VPS13B: variants seen among roughly 807,000 people sequenced by gnomAD.
VPS13B encodes the protein vacuolar protein sorting 13 homolog B.
A neutral mutation model predicts 426.4 loss-of-function variants in VPS13B; 285 were observed. That is an observed-to-expected ratio of 0.67 (90% CI 0.61 to 0.74). The LOEUF (loss-of-function observed/expected upper bound fraction) is 0.74, where lower values mean the gene tolerates loss of function less well. Among genes scored for constraint, VPS13B ranks in the 30% least tolerant of loss-of-function variants. VPS13B has a pLI of 0.00. For missense variants in VPS13B, 4,537 were observed against 4,782.6 expected (o/e 0.95, Z 1.51); for synonymous variants, 1,676 against 1,676.4 (o/e 1.00, Z 0.01).
intron 24 of VPS13B, among the ~76,000 whole-genome samples, chr8:99,479,646 C>A (rs1283875919): frequency 3.9e-5 from 6 of 152,156 alleles, no homozygotes. Flanking sequence ...TCATTATAGA[C>A]TAATTTTTGT....
At chr8:99,629,849 G>C (rs1828767251) in intron 33 of VPS13B, among the ~76,000 whole-genome samples, 1 of 152,128 alleles carries the variant, frequency 6.6e-6, no homozygotes, top group African/African-American at 2.4e-5. Context: ...TTGTCATCTA[G>C]TTGATTGCTT....
intron 2 of VPS13B, among the ~76,000 whole-genome samples, chr8:99,028,352 C>A (rs1184927838): frequency 4.6e-5 from 7 of 150,696 alleles, no homozygotes; most frequent in Admixed American, 3.3e-4. Flanking sequence ...CTGACCCCCC[C>A]ACCTCCCTCC....
chr8:99,220,645 T>C (rs111988621), intron 17 of VPS13B, among the ~76,000 whole-genome samples: 69 of 152,192 alleles, frequency 4.5e-4, no homozygotes, highest in African/African-American at 1.6e-3. Context: ...TTGGGTTATA[T>C]TGGACTCCTA....
chr8:99,564,982 A>G (rs192975754), intron 31 of VPS13B, among the ~76,000 whole-genome samples: 33 of 152,290 alleles, frequency 2.2e-4, no homozygotes, highest in Non-Finnish European at 3.7e-4. Flanking sequence ...AATCTGAGGA[A>G]ATGTACTGAT....
chr8:99,293,028 C>T (rs996634748), intron 19 of VPS13B, among the ~76,000 whole-genome samples: 15 of 152,128 alleles, frequency 9.9e-5, no homozygotes, highest in South Asian at 2.1e-4. Context: ...TTTCTCTGAA[C>T]GTGTAAAGCA....
chr8:99,157,658 A>T (rs950554406), intron 15 of VPS13B, among the ~76,000 whole-genome samples: 18 of 152,332 alleles, frequency 1.2e-4, no homozygotes, highest in African/African-American at 4.1e-4. Flanking sequence ...AAGTGAAAGG[A>T]AGAGTCCCAT....
chr8:99,855,862 A>C (rs1816519309), intron 56 of VPS13B, among the ~76,000 whole-genome samples: 1 of 152,170 alleles, frequency 6.6e-6, no homozygotes, highest in Admixed American at 6.5e-5. Flanking sequence ...ATTGCTAAAA[A>C]CTCATTTAAA....
At chr8:99,667,021 T>A (rs1377828447) in intron 35 of VPS13B, among the ~76,000 whole-genome samples, 1 of 152,222 alleles carries the variant, frequency 6.6e-6, no homozygotes, top group African/African-American at 2.4e-5. Flanking sequence ...TTTATGTCCA[T>A]GCTGTAATAG....
At chr8:99,500,535 C>A (rs910062629) in intron 25 of VPS13B, among the ~76,000 whole-genome samples, 8 of 152,086 alleles carry the variant, frequency 5.3e-5, no homozygotes, top group Non-Finnish European at 1.2e-4. Flanking sequence ...TACAGTTAAA[C>A]TACTTGCCTC....
At chr8:99,179,765 G>C (rs182925513) in intron 16 of VPS13B, among the ~76,000 whole-genome samples, 2 of 152,048 alleles carry the variant, frequency 1.3e-5, no homozygotes, top group Non-Finnish European at 2.9e-5. Context: ...TGAAAACCTC[G>C]CATCTGTTGT....
At chr8:99,076,310 A>T (rs558143331) in intron 3 of VPS13B, among the ~76,000 whole-genome samples, 1 of 152,202 alleles carries the variant, frequency 6.6e-6, no homozygotes, top group Admixed American at 6.5e-5. Context: ...TTATGTGCTG[A>T]TGAGTCGAAT....
chr8:99,576,155 G>T (rs554555610), intron 32 of VPS13B, among the ~76,000 whole-genome samples: 2 of 152,076 alleles, frequency 1.3e-5, no homozygotes, highest in South Asian at 4.1e-4. Flanking sequence ...ATCAATAGAA[G>T]AAATAATTAT....
chr8:99,545,608 A>T (rs1307732103), intron 30 of VPS13B, among the ~76,000 whole-genome samples: 1 of 152,114 alleles, frequency 6.6e-6, no homozygotes, highest in Non-Finnish European at 1.5e-5. Context: ...CTCAATGCTG[A>T]TAGATTTCAC....
At chr8:99,244,657 A>G (rs1817113961) in intron 17 of VPS13B, among the ~76,000 whole-genome samples, 1 of 152,238 alleles carries the variant, frequency 6.6e-6, no homozygotes, top group Non-Finnish European at 1.5e-5. Context: ...TCTGTAAAAT[A>G]GTCATATTTT....
At chr8:99,304,570 T>C (rs1820542978) in intron 19 of VPS13B, among the ~76,000 whole-genome samples, 2 of 152,156 alleles carry the variant, frequency 1.3e-5, no homozygotes, top group Non-Finnish European at 2.9e-5. Flanking sequence ...GGACTGTCAA[T>C]GAATTTTTGA....
intron 19 of VPS13B, among the ~76,000 whole-genome samples, chr8:99,291,121 G>T (rs1819712224): frequency 6.6e-6 from 1 of 152,112 alleles, no homozygotes; most frequent in Admixed American, 6.6e-5. Flanking sequence ...TGTCAATGGA[G>T]AGAATTACAC....
chr8:99,476,020 T>C (rs369811339), intron 24 of VPS13B, among the ~76,000 whole-genome samples: 1 of 152,246 alleles, frequency 6.6e-6, no homozygotes, highest in South Asian at 2.1e-4. Context: ...TAACCAACAT[T>C]GATCACAAGG....
chr8:99,743,873 C>T (rs199597678), intron 39 of VPS13B, among the ~76,000 whole-genome samples: 2 of 151,992 alleles, frequency 1.3e-5, no homozygotes, highest in Admixed American at 1.3e-4. Flanking sequence ...CATAAAAACC[C>T]AGAAGAAAAC....
chr8:99,095,617 A>G (rs1310951527), intron 3 of VPS13B, among the ~76,000 whole-genome samples: 5 of 152,218 alleles, frequency 3.3e-5, no homozygotes, highest in African/African-American at 1.2e-4. Context: ...AAAGATAAAT[A>G]TATCTAATTT....
Sources: allele counts gnomAD v4.1 joint callset (sites outside exome capture counted in the v4.1 genomes callset), GRCh38; gene constraint gnomAD v4.1.1; transcripts MANE v1.5; gene names NCBI Gene and HGNC (gene_info 2026-07-23, HGNC 2026-07-21).